Variants in CRY2 observed in about 807,000 individuals in gnomAD.
The protein encoded by CRY2 is cryptochrome circadian regulator 2, also known as cryptochrome-2.
Under a neutral mutation model 69.5 loss-of-function variants are expected in CRY2, and 31 were observed. That is an observed-to-expected ratio of 0.45 (90% CI 0.34 to 0.60). CRY2 has a LOEUF of 0.60. Among genes scored for constraint, CRY2 ranks in the 20% least tolerant of loss-of-function variants. The probability of loss-of-function intolerance (pLI) is 0.02; values close to 1 mark genes in which losing one functional copy is unlikely to be tolerated. For missense variants in CRY2, 606 were observed against 797.8 expected (o/e 0.76, Z 2.90); for synonymous variants, 303 against 312.2 (o/e 0.97, Z 0.31).
Position 45,870,310 on chromosome 11 carries a change from T to G in CRY2, c.1347-20T>G. On this transcript the variant is annotated intron_variant, in intron 8 of 11. Coordinates refer to ENST00000616080, the MANE Select transcript of CRY2 (RefSeq NM_021117.5). ...AGGGTCTGGGTATGCTGATGGGTCA[T>G]CTGGTGTATCTTATTTCAGGCGATA... 1 of 1,614,134 alleles carries G rather than the reference T, an allele frequency of 6.2e-7. No homozygotes were observed. The highest frequency in any genetic ancestry group is 8.5e-7 in the Non-Finnish European group (1 of 1,180,032).
rs752069255 is a variant in CRY2 at position 45,869,583 on chromosome 11, C to T, written c.960C>T (p.Thr320=). 1 of 1,614,252 alleles carries T rather than the reference C, an allele frequency of 6.2e-7. No individual in the cohort carries two copies. Among genetic ancestry groups the T allele is most frequent in the Admixed American group, 1.7e-5 (1 of 60,032 alleles). Residue 320 remains threonine (T), a synonymous_variant, in exon 7 of 12, where the codon ACC becomes ACT. Transcript: ENST00000616080. The part of the protein sequence containing the change: ...LWREFFYTAA[T]NNPRFDRMEG... The stretch of plus-strand genomic sequence containing the variant: ...GAGAGTTCTTCTACACGGCAGCTAC[C>T]AACAACCCCAGGTTTGACCGCATGG...
chr11:45,867,671 C>T lies in CRY2; in HGVS notation c.801C>T (p.Pro267=), dbSNP rs1281591869. The T allele has an allele frequency of 1.2e-6, 2 of 1,614,246 alleles. No homozygotes were observed. Among genetic ancestry groups the T allele is most frequent in the South Asian group, 2.2e-5 (2 of 91,090 alleles). ...ACGCCAACTCCCTCCTGGCCAGCCC[C>T]ACAGGCCTCAGCCCCTACCTGCGCT... ...RMNANSLLAS[P]TGLSPYLRFG... The change falls in exon 6 of 12, where the codon CCC becomes CCT. Residue 267 remains proline (P), a synonymous_variant. Transcript: ENST00000616080.
chr11:45,847,783 C>G (rs995836162), intron 1 of CRY2, 78 bp downstream of exon 1: 2 of 1,450,978 alleles, frequency 1.4e-6, no homozygotes, highest in African/African-American at 2.9e-5. Flanking sequence ...AGCACGATCC[C>G]CCCAACCCCG....
rs1384640252 is a variant in CRY2, at chr11:45,870,825, C to T, written c.1550-17C>T. The T allele has an allele frequency of 1.2e-6, 2 of 1,603,972 alleles. No homozygotes were observed. Among genetic ancestry groups the T allele is most frequent in the Non-Finnish European group, 1.7e-6 (2 of 1,171,620 alleles). On this transcript the variant is annotated splice_polypyrimidine_tract_variant and intron_variant, in intron 9 of 11. Coordinates refer to ENST00000616080, the MANE Select transcript of CRY2 (RefSeq NM_021117.5). ...CCTGCGAGACGGCACTCTGATTACT[C>T]CTCGCCTCTCTCCCAGGTCTACTGG...
rs754043205 is a variant in CRY2, at chr11:45,870,942, G to A, written c.1642+8G>A. ...GCAGCATGAGCAGTGCAGGTGAGCAGCAGCAACCAACCTCCTGTGGCCTCC... is the reference window on the plus strand; with the variant it reads ...GCAGCATGAGCAGTGCAGGTGAGCAACAGCAACCAACCTCCTGTGGCCTCC... On this transcript the variant is annotated splice_region_variant and intron_variant, in intron 10 of 11. Transcript: ENST00000616080. 2.5e-6 allele frequency: 4 copies of A among 1,607,096 alleles called. No homozygotes were observed. Among genetic ancestry groups the A allele is most frequent in the Non-Finnish European group, 3.4e-6 (4 of 1,178,950 alleles).
Position 45,870,161 on chromosome 11 carries a change from G to A in CRY2, c.1303G>A (p.Val435Met), listed in dbSNP as rs1426695042. ...GCAGTTCTTCCACTGCTACTGCCCT[G>A]TGGGCTTTGGCCGTCGCACGGACCC... ...FQQFFHCYCP[V>M]GFGRRTDPSG... Residue 435 changes from valine to methionine, a missense_variant, in exon 8 of 12, where the codon GTG becomes ATG. Val to Met is a conservative substitution (Grantham distance 21). Coordinates refer to ENST00000616080, the MANE Select transcript of CRY2 (RefSeq NM_021117.5). 6.2e-7 allele frequency: 1 copy of A among 1,613,564 alleles called. No individual in the cohort carries two copies. The highest frequency in any genetic ancestry group is 1.3e-5 in the African/African-American group (1 of 74,948).
At chr11:45,871,302 G>T (rs143313280) in intron 10 of CRY2, among the ~76,000 whole-genome samples, 1 of 152,128 alleles carries the variant, frequency 6.6e-6, no homozygotes, top group African/African-American at 2.4e-5. Context: ...AAACAGTACC[G>T]AGCTTAGTCC....
Position 45,882,673 on chromosome 11 carries a change from G to A in CRY2, c.*1762G>A. 1 of 398,914 alleles carries A rather than the reference G, an allele frequency of 2.5e-6. No individual in the cohort carries two copies. Among genetic ancestry groups the A allele is most frequent in the South Asian group, 1.3e-4 (1 of 7,862 alleles). 24.7% of individuals were successfully genotyped at this position (398,914 alleles called of 1,614,324 possible). On this transcript the variant is annotated 3_prime_UTR_variant, in exon 12 of 12. Transcript: ENST00000616080. ...TGTGCATTCAGAGCATTGGGTTGGG[G>A]GCTTCCCTGTTCCCTCAGCCCCAGT...
upstream of CRY2, chr11:45,847,351 A>G: frequency 6.3e-7 from 1 of 1,599,166 alleles, no homozygotes; most frequent in Non-Finnish European, 8.5e-7. Flanking sequence ...GCACTCAGCC[A>G]ATGGCAGAGG....
Position 45,869,781 on chromosome 11 carries a change from C to T in CRY2, c.1158C>T (p.Arg386=), listed in dbSNP as rs376118152. The change falls in exon 7 of 12, where the codon CGC becomes CGT. Residue 386 remains arginine (R), a synonymous_variant. Transcript: ENST00000616080. ...ARHAVACFLT[R]GDLWVSWESG... ...ATGCCGTGGCCTGCTTCCTGACCCG[C>T]GGGGACCTCTGGGTCAGCTGGGAGA... 56 of 1,612,380 alleles carry T rather than the reference C, an allele frequency of 3.5e-5. No homozygotes were observed. The highest frequency in any genetic ancestry group is 6.6e-5 in the South Asian group (6 of 91,056).
chr11:45,861,359 C>T (rs972754280), intron 4 of CRY2: 1 of 236,502 alleles, frequency 4.2e-6, no homozygotes, highest in Non-Finnish European at 8.3e-6. Flanking sequence ...AACAAGATAG[C>T]TAGTATTGCT....
intron 3 of CRY2, 80 bp from the exon 4 acceptor site, chr11:45,860,768 T>C: frequency 6.7e-7 from 1 of 1,494,936 alleles, no homozygotes; most frequent in Middle Eastern, 1.8e-4. Flanking sequence ...GCCTTCAGAG[T>C]CTGGGTTCTT....
chr11:45,871,721 G>GCA (rs2086385152), intron 10 of CRY2, among the ~76,000 whole-genome samples: 1 of 152,232 alleles, frequency 6.6e-6, no homozygotes, highest in Admixed American at 6.5e-5. Context: ...GCCTCCATGG[G>GCA]CAGCATGACT....
chr11:45,852,169 T>A (rs975529126), intron 1 of CRY2, among the ~76,000 whole-genome samples: 54 of 152,286 alleles, frequency 3.5e-4, no homozygotes, highest in African/African-American at 1.3e-3. Context: ...GTTGCACATG[T>A]TGTCTAATCC....
At position 45,882,618 on chromosome 11, in the gene CRY2, C is replaced by T. The variant is rs149316592; in HGVS notation, c.*1707C>T. On this transcript the variant is annotated 3_prime_UTR_variant, in exon 12 of 12. Coordinates refer to ENST00000616080, the MANE Select transcript of CRY2 (RefSeq NM_021117.5). ...ACCTTCACTAGAAATGTCCCATCAT[C>T]GTGGGAGGGGAGCAGGGCACAGGGG... is the stretch of plus-strand genomic sequence containing the variant. The T allele has an allele frequency of 9.8e-4, 390 of 399,084 alleles. 3 individuals are homozygous for T. The highest frequency in any genetic ancestry group is 7.3e-3 in the African/African-American group (355 of 48,734). 24.7% of individuals were successfully genotyped at this position (399,084 alleles called of 1,614,324 possible).
At chr11:45,867,926 G>T in intron 6 of CRY2, 174 bp downstream of exon 6, 2 of 773,082 alleles carry the variant, frequency 2.6e-6, no homozygotes, top group South Asian at 3.8e-5. Flanking sequence ...ATCCAAGAGG[G>T]CAGAGCCAAG....
chr11:45,862,604 G>A (rs180672391), intron 5 of CRY2, among the ~76,000 whole-genome samples: 23 of 152,288 alleles, frequency 1.5e-4, no homozygotes, highest in African/African-American at 5.1e-4. Flanking sequence ...GTAAGACCTT[G>A]TTCTATGTTA....
intron 1 of CRY2, 143 bp from the exon 2 acceptor site, chr11:45,855,839 C>A: frequency 1.3e-6 from 1 of 741,630 alleles, no homozygotes; most frequent in Non-Finnish European, 2.4e-6. Context: ...CCCTCCTGGG[C>A]TGGAACCCAG....
intron 11 of CRY2, among the ~76,000 whole-genome samples, chr11:45,880,292 T>C (rs2086461308): frequency 6.6e-6 from 1 of 152,196 alleles, no homozygotes; most frequent in Admixed American, 6.5e-5. Flanking sequence ...CTGTCCTTCC[T>C]TTATTATCAG....
Sources: allele counts gnomAD v4.1 joint callset (sites outside exome capture counted in the v4.1 genomes callset), GRCh38; gene constraint gnomAD v4.1.1; transcripts MANE v1.5; gene names NCBI Gene and HGNC (gene_info 2026-07-23, HGNC 2026-07-21).